The following NCOA2 variants were observed in gnomAD, a reference collection of about 807,000 sequenced individuals.
NCOA2 encodes the protein class E basic helix-loop-helix protein 75.
A neutral mutation model predicts 145.1 loss-of-function variants in NCOA2; 21 were observed. The ratio of observed to expected loss-of-function variants is 0.14; its 90% confidence interval spans 0.10 to 0.21. NCOA2 has a LOEUF of 0.21. NCOA2 is among the 10% of genes least tolerant of loss of function. The probability of loss-of-function intolerance (pLI) is 1.00; values close to 1 mark genes in which losing one functional copy is unlikely to be tolerated. For synonymous variants in NCOA2, 619 were observed against 637.5 expected, an observed-to-expected ratio of 0.97 and a Z score of 0.44; for missense variants, 1,472 against 1,837.6, an observed-to-expected ratio of 0.80 and a Z score of 3.64.
intron 11 of NCOA2, among the ~76,000 whole-genome samples, chr8:70,155,673 C>T (rs897720503): frequency 3.9e-5 from 6 of 152,194 alleles, no homozygotes; most frequent in Admixed American, 3.9e-4. Context: ...TCTGTGGCTG[C>T]TTTTGCACTA....
At chr8:70,395,169 A>C (rs1462049883) in intron 1 of NCOA2, among the ~76,000 whole-genome samples, 1 of 152,262 alleles carries the variant, frequency 6.6e-6, no homozygotes, top group Non-Finnish European at 1.5e-5. Context: ...GGGAAGAAGA[A>C]AGATAAAAGG....
intron 2 of NCOA2, among the ~76,000 whole-genome samples, chr8:70,222,241 C>T (rs1462994076): frequency 6.6e-6 from 1 of 152,246 alleles, no homozygotes; most frequent in East Asian, 1.9e-4. Context: ...GTTTACTGTA[C>T]ATTTGCCTTT....
chr8:70,449,575 G>C, the NCOA2 span, among the ~76,000 whole-genome samples: 1 of 152,184 alleles, frequency 6.6e-6, no homozygotes, highest in East Asian at 1.9e-4. Flanking sequence ...TACAGAAAAG[G>C]AGCCAGGTGA....
In NCOA2 at chr8:70,290,653, A is replaced by C. The variant is rs182471980; in HGVS notation, c.-20+6091T>G. Among the ~76,000 whole-genome samples, 3 of 152,300 alleles carry C rather than the reference A, an allele frequency of 2.0e-5. No homozygotes were observed. In the East Asian group the frequency reaches 5.8e-4, roughly 29 times the overall value. ...GAGTCTCAAGCTAGCAATACAAGTC[A>C]AAATAAATAGAAATACCTATATCCT... On this transcript the variant is annotated intron_variant, in intron 2 of 22. Coordinates refer to ENST00000452400, the MANE Select transcript of NCOA2 (RefSeq NM_006540.4).
intron 4 of NCOA2, among the ~76,000 whole-genome samples, chr8:70,185,422 C>G (rs1297035568): frequency 6.6e-6 from 1 of 152,180 alleles, no homozygotes; most frequent in Non-Finnish European, 1.5e-5. Context: ...AATGGGAGAA[C>G]TCTGCATAAA....
Position 70,366,655 on chromosome 8 carries a change from T to C in NCOA2, c.-77+37045A>G, listed in dbSNP as rs1810717484. Among the ~76,000 whole-genome samples the C allele has an allele frequency of 2.0e-5, 3 of 151,758 alleles. No homozygotes were observed. In the South Asian group the frequency reaches 6.2e-4, roughly 32 times the overall value. The stretch of plus-strand genomic sequence containing the variant: ...CCTAAGAATCTGATTGAGAATTATA[T>C]ATCCATTGCCGGCATAAGTTATTTA... On this transcript the variant is annotated intron_variant, in intron 1 of 22. Transcript: ENST00000452400.
chr8:70,290,771 G>A (rs943412071), intron 2 of NCOA2, among the ~76,000 whole-genome samples: 28 of 151,630 alleles, frequency 1.8e-4, no homozygotes, highest in Admixed American at 1.8e-3. Context: ...GTATCTAGAT[G>A]TTATAAATGG....
the NCOA2 span, among the ~76,000 whole-genome samples, chr8:70,420,815 T>C: frequency 6.6e-6 from 1 of 152,070 alleles, no homozygotes; most frequent in Non-Finnish European, 1.5e-5. Flanking sequence ...CAGCTAATTT[T>C]TGTATTTTTA....
At chr8:70,422,296 C>T in the NCOA2 span, among the ~76,000 whole-genome samples, 1 of 151,914 alleles carries the variant, frequency 6.6e-6, no homozygotes, top group Non-Finnish European at 1.5e-5. Flanking sequence ...GGCTCAGAGC[C>T]AAGGCAACCT....
At chr8:70,220,460 T>A (rs1003418113) in intron 2 of NCOA2, among the ~76,000 whole-genome samples, 1 of 152,170 alleles carries the variant, frequency 6.6e-6, no homozygotes, top group South Asian at 2.1e-4. Flanking sequence ...AACAACACAA[T>A]AGCCCTGTTT....
chr8:70,273,134 G>C (rs1825183740), intron 2 of NCOA2, among the ~76,000 whole-genome samples: 1 of 152,008 alleles, frequency 6.6e-6, no homozygotes, highest in Admixed American at 6.5e-5. Flanking sequence ...CTATTTATAT[G>C]CTGCCAAGGC....
At chr8:70,438,994 T>C in the NCOA2 span, among the ~76,000 whole-genome samples, 2 of 152,248 alleles carry the variant, frequency 1.3e-5, no homozygotes, top group Non-Finnish European at 2.9e-5. Flanking sequence ...TAAGGGCTTA[T>C]ACTCTTTTTC....
At chr8:70,344,511 T>G (rs1808432740) in intron 1 of NCOA2, among the ~76,000 whole-genome samples, 1 of 152,214 alleles carries the variant, frequency 6.6e-6, no homozygotes, top group Admixed American at 6.5e-5. Flanking sequence ...TATGTCTCCA[T>G]TAATAACAAA....
intron 4 of NCOA2, among the ~76,000 whole-genome samples, chr8:70,213,338 A>AG (rs1819250292): frequency 6.6e-6 from 1 of 152,330 alleles, no homozygotes; most frequent in African/African-American, 2.4e-5. Flanking sequence ...AAATTATCTC[A>AG]GAAAAAAAGA....
At chr8:70,210,333 A>C (rs1818881197) in intron 4 of NCOA2, among the ~76,000 whole-genome samples, 1 of 152,212 alleles carries the variant, frequency 6.6e-6, no homozygotes, top group African/African-American at 2.4e-5. Flanking sequence ...CCAACAGAAG[A>C]TCTAACTTAA....
the NCOA2 span, among the ~76,000 whole-genome samples, chr8:70,422,644 C>A: frequency 6.6e-6 from 1 of 152,122 alleles, no homozygotes; most frequent in African/African-American, 2.4e-5. Context: ...CTCCTGGGCT[C>A]AAGCAATCTT....
chr8:70,160,152 A>T (rs896111458), intron 9 of NCOA2, among the ~76,000 whole-genome samples: 2 of 152,222 alleles, frequency 1.3e-5, no homozygotes, highest in Non-Finnish European at 2.9e-5. Flanking sequence ...TCAATCCATC[A>T]TCTCACACAC....
At chr8:70,340,297 T>A (rs560070367) in intron 1 of NCOA2, among the ~76,000 whole-genome samples, 1 of 152,208 alleles carries the variant, frequency 6.6e-6, no homozygotes, top group East Asian at 1.9e-4. Flanking sequence ...TACGAGCACT[T>A]CTTAAAAGAA....
intron 2 of NCOA2, among the ~76,000 whole-genome samples, chr8:70,255,118 C>T (rs1322315838): frequency 6.6e-6 from 1 of 152,118 alleles, no homozygotes; most frequent in African/African-American, 2.4e-5. Context: ...GGAGAGAAGC[C>T]AAGTGGCAAC....
Sources: gnomAD v4.1 joint callset for allele counts (sites outside exome capture counted in the v4.1 genomes callset) on GRCh38, gnomAD v4.1.1 for gene constraint, MANE v1.5 for transcripts, NCBI Gene and HGNC (gene_info 2026-07-23, HGNC 2026-07-21) for gene names.